The following FAM81A variants were observed in gnomAD, a reference collection of about 807,000 sequenced individuals.
FAM81A encodes the protein protein FAM81A.
Under a neutral mutation model 46.7 loss-of-function variants are expected in FAM81A, and 19 were observed. The ratio of observed to expected loss-of-function variants is 0.41; its 90% CI spans 0.28 to 0.60. FAM81A has a LOEUF of 0.60. FAM81A is among the 20% of genes least tolerant of loss of function. FAM81A has a pLI of 0.34. For synonymous variants in FAM81A, 183 were observed against 152.9 expected (o/e 1.20, Z -1.45); for missense variants, 377 against 453.5 (o/e 0.83, Z 1.53).
At chr15:59,502,297 G>A (rs945032154) in intron 4 of FAM81A, among the ~76,000 whole-genome samples, 7 of 151,512 alleles carry the variant, frequency 4.6e-5, no homozygotes, top group Non-Finnish European at 8.8e-5. Flanking sequence ...TCGTCATTTA[G>A]CATTAGGTAT....
At chr15:59,456,544 T>G (rs1467074870) in intron 1 of FAM81A, among the ~76,000 whole-genome samples, 2 of 152,114 alleles carry the variant, frequency 1.3e-5, no homozygotes, top group African/African-American at 4.8e-5. Context: ...CCCATGTGCT[T>G]TTTTTCACAG....
chr15:59,501,410 C>T (rs58531764), intron 4 of FAM81A, among the ~76,000 whole-genome samples: 4,346 of 152,052 alleles, frequency 0.029, 231 homozygotes, highest in African/African-American at 0.1. Context: ...CATAAATTGT[C>T]GTATAGTCTG....
In FAM81A at chr15:59,402,318, G is replaced by C. The variant is rs116977752; in HGVS notation, c.-118G>C. 1,264 of 156,006 alleles carry C rather than the reference G, an allele frequency of 8.1e-3. 2 individuals are homozygous for C. Among genetic ancestry groups the C allele is most frequent in the Non-Finnish European group, 0.012 (875 of 71,022 alleles). 9.7% of individuals were successfully genotyped at this position (156,006 alleles called of 1,614,324 possible). On this transcript the variant is annotated 5_prime_UTR_variant, in exon 2 of 5. Transcript: ENST00000558348. ...CTTCAACTCCAGCAAGGATCTGAAG[G>C]TCCAGGACCTTAGGAAAGCTGCCTG...
rs2081470496 is a variant in FAM81A at position 59,455,324 on chromosome 15, T to C, written c.-77-3226T>C. The stretch of plus-strand genomic sequence containing the variant: ...TTGTTTAATATATTGTTTAATATAG[T>C]GGAATCACTGCACAATCAAAACAGC... On this transcript the variant is annotated intron_variant, in intron 1 of 8. Transcript: ENST00000288228. 2.0e-5 allele frequency among the ~76,000 whole-genome samples: 3 copies of C among 152,078 alleles called. No individual in the cohort carries two copies. The South Asian group carries it at 6.2e-4, about 32-fold the overall frequency.
intron 1 of FAM81A, chr15:59,401,785 T>C (rs1171044540): frequency 2.8e-6 from 2 of 719,576 alleles, no homozygotes; most frequent in African/African-American, 3.9e-5. Flanking sequence ...TTTTTTTTTT[T>C]GGTGTTTCTC....
At chr15:59,449,586 C>G (rs1216936734) in intron 1 of FAM81A, among the ~76,000 whole-genome samples, 3 of 152,008 alleles carry the variant, frequency 2.0e-5, no homozygotes, top group Admixed American at 2.0e-4. Context: ...TCGAGACCAT[C>G]CTGGCTAACA....
chr15:59,410,582 G>C (rs1396121158), intron 2 of FAM81A, among the ~76,000 whole-genome samples: 1 of 152,162 alleles, frequency 6.6e-6, no homozygotes, highest in South Asian at 2.1e-4. Flanking sequence ...AGGAACTCCT[G>C]GTCCTTCCTG....
intron 2 of FAM81A, among the ~76,000 whole-genome samples, chr15:59,430,726 G>T (rs2081216396): frequency 6.6e-6 from 1 of 152,180 alleles, no homozygotes; most frequent in African/African-American, 2.4e-5. Context: ...AAATGATGCA[G>T]GAGATTAGGA....
intron 3 of FAM81A, among the ~76,000 whole-genome samples, chr15:59,480,942 A>G (rs1291419347): frequency 6.6e-6 from 1 of 152,236 alleles, no homozygotes; most frequent in South Asian, 2.1e-4. Context: ...ATACTTTGTT[A>G]ATGTCAGGTA....
chr15:59,436,381 G>A (rs554939989), upstream of FAM81A, among the ~76,000 whole-genome samples: 1 of 151,910 alleles, frequency 6.6e-6, no homozygotes, highest in Non-Finnish European at 1.5e-5. Context: ...TGAGGCTCTG[G>A]CACCTCAAGT....
chr15:59,500,100 G>A (rs1160102208), intron 4 of FAM81A, among the ~76,000 whole-genome samples: 7 of 151,930 alleles, frequency 4.6e-5, no homozygotes, highest in East Asian at 3.9e-4. Flanking sequence ...TGATCTGCCC[G>A]CCTCAGCTTC....
At chr15:59,430,321 G>C (rs1228531325) in intron 2 of FAM81A, among the ~76,000 whole-genome samples, 2 of 133,862 alleles carry the variant, frequency 1.5e-5, no homozygotes, top group African/African-American at 2.9e-5. Context: ...CTGGAGTGCA[G>C]TGGTACAATC....
upstream of FAM81A, among the ~76,000 whole-genome samples, chr15:59,434,000 C>G (rs1416065557): frequency 6.6e-6 from 1 of 152,126 alleles, no homozygotes; most frequent in Non-Finnish European, 1.5e-5. Context: ...GGATTACAGG[C>G]ACCTGCCACC....
Position 59,410,132 on chromosome 15 carries a change from C to G in FAM81A, c.-78+7774C>G, listed in dbSNP as rs562187113. Among the ~76,000 whole-genome samples the G allele has an allele frequency of 5.3e-5, 8 of 152,164 alleles. No homozygotes were observed. In the East Asian group the frequency reaches 1.5e-3, roughly 29 times the overall value. ...TGGCCAACATGGTGAAATCCCGTCT[C>G]TACTAAAAATACAAATTTGTCAGGC... On this transcript the variant is annotated intron_variant, in intron 2 of 4. Transcript: ENST00000558348.
chr15:59,483,977 C>A (rs2081886470), intron 3 of FAM81A, among the ~76,000 whole-genome samples: 1 of 152,180 alleles, frequency 6.6e-6, no homozygotes, highest in African/African-American at 2.4e-5. Context: ...AAAGAGGCAT[C>A]CTCCTGGTAC....
chr15:59,469,026 G>C (rs1173141757), intron 3 of FAM81A, among the ~76,000 whole-genome samples: 1 of 152,194 alleles, frequency 6.6e-6, no homozygotes, highest in African/African-American at 2.4e-5. Context: ...AGTTTTGAAT[G>C]AGTATCTTAA....
chr15:59,467,982 A>G (rs1444505060), intron 3 of FAM81A, among the ~76,000 whole-genome samples: 2 of 152,172 alleles, frequency 1.3e-5, no homozygotes, highest in Non-Finnish European at 2.9e-5. Context: ...GGGTTTTGTC[A>G]TTGGTTCTGT....
At chr15:59,487,555 A>G (rs1248894165) in intron 3 of FAM81A, among the ~76,000 whole-genome samples, 1 of 152,062 alleles carries the variant, frequency 6.6e-6, no homozygotes, top group African/African-American at 2.4e-5. Context: ...AAATAAAATC[A>G]GAGATGAAAA....
At chr15:59,475,566 C>G (rs1344243488) in intron 3 of FAM81A, among the ~76,000 whole-genome samples, 1 of 152,164 alleles carries the variant, frequency 6.6e-6, no homozygotes, top group Middle Eastern at 3.2e-3. Flanking sequence ...CTTGCCTTAA[C>G]CAGACAGCAC....
Sources: allele counts gnomAD v4.1 joint callset (sites outside exome capture counted in the v4.1 genomes callset), GRCh38; gene constraint gnomAD v4.1.1; transcripts MANE v1.5; gene names NCBI Gene and HGNC (gene_info 2026-07-23, HGNC 2026-07-21).